WEE1: variants seen among roughly 807,000 people sequenced by gnomAD.
WEE1 encodes WEE1 G2 checkpoint kinase.
Under a neutral mutation model 68.8 loss-of-function variants are expected in WEE1, and 16 were observed. The ratio of observed to expected loss-of-function variants is 0.23; its 90% CI spans 0.16 to 0.35. The LOEUF (loss-of-function observed/expected upper bound fraction) is 0.35. Ranked by LOEUF, WEE1 falls within the 10% of genes least tolerant of loss-of-function variation. The pLI is 1.00. For synonymous variants in WEE1, 349 were observed against 318.7 expected, an observed-to-expected ratio of 1.09 and a Z score of -1.01; for missense variants, 651 against 824.1, an observed-to-expected ratio of 0.79 and a Z score of 2.57.
At position 9,589,142 on chromosome 11, in the gene WEE1, A is replaced by G. The variant is rs1369289148; in HGVS notation, c.*540A>G. ...GATTCTGTGGAGGTATTGCCTTGTG[A>G]ATTTGCTGCTATTTTAGTTTTGTCT... On this transcript the variant is annotated 3_prime_UTR_variant, in exon 11 of 11. Transcript: ENST00000450114. The G allele has an allele frequency of 1.0e-6, 1 of 985,680 alleles. No homozygotes were observed. Among genetic ancestry groups the G allele is most frequent in the Non-Finnish European group, 1.2e-6 (1 of 829,936 alleles). 61.1% of individuals were successfully genotyped at this position (985,680 alleles called of 1,614,324 possible). A position where few individuals can be genotyped will look rare whatever the true frequency, so the allele number is the denominator to read the frequency against.
chr11:9,581,796 G>A (rs764331594), intron 6 of WEE1, 118 bp downstream of exon 6: 1 of 1,020,082 alleles, frequency 9.8e-7, no homozygotes, highest in South Asian at 1.8e-5. Flanking sequence ...GTTTTAAAAG[G>A]CCTTAGATCC....
Position 9,576,438 on chromosome 11 carries a change from CTG to C in WEE1, c.847-47_847-46del. 3 of 1,583,938 alleles carry C rather than the reference CTG, an allele frequency of 1.9e-6. No individual in the cohort carries two copies. Among genetic ancestry groups the C allele is most frequent in the Non-Finnish European group, 2.6e-6 (3 of 1,164,780 alleles). Reference sequence around the variant, plus strand: ...GCCCTATCACCATAGCAAGAAATAACTGTTTTCGTATATTTGTATTACATATA... The same window carrying C: ...GCCCTATCACCATAGCAAGAAATAACTTTTCGTATATTTGTATTACATATA... On this transcript the variant is annotated intron_variant, in intron 3 of 10. Coordinates refer to ENST00000450114, the MANE Select transcript of WEE1 (RefSeq NM_003390.4). The surrounding 1 kb of genome is among the most constrained non-coding windows in gnomAD (Gnocchi z 4.3).
chr11:9,577,715 C>T, intron 5 of WEE1: 1 of 324,968 alleles, frequency 3.1e-6, no homozygotes, highest in Middle Eastern at 3.9e-4. Flanking sequence ...TTTAAGCATT[C>T]TGTAGTCCGG....
chr11:9,573,931 G>T lies in WEE1; in HGVS notation c.-3G>T. 7.9e-7 allele frequency: 1 copy of T among 1,271,096 alleles called. No homozygotes were observed. The highest frequency in any genetic ancestry group is 9.9e-7 in the Non-Finnish European group (1 of 1,009,428). The allele number at this position is 1,271,096 out of a possible 1,614,324, so 78.7% of individuals were successfully genotyped here. On this transcript the variant is annotated 5_prime_UTR_variant, in exon 1 of 11. Transcript: ENST00000450114. Reference sequence around the variant, plus strand: ...TGTCCTCGGCCCCGTCCCCAGGGCCGCGATGAGCTTCCTGAGCCGACAGCA... The same window carrying T: ...TGTCCTCGGCCCCGTCCCCAGGGCCTCGATGAGCTTCCTGAGCCGACAGCA...
At chr11:9,584,695 T>TA (rs1290727475) in intron 6 of WEE1, among the ~76,000 whole-genome samples, 1 of 152,216 alleles carries the variant, frequency 6.6e-6, no homozygotes, top group Non-Finnish European at 1.5e-5. Flanking sequence ...AAATTACTGA[T>TA]ACTACCTTTT....
At chr11:9,584,689 T>A (rs1475081306) in intron 6 of WEE1, among the ~76,000 whole-genome samples, 1 of 152,198 alleles carries the variant, frequency 6.6e-6, no homozygotes, top group Non-Finnish European at 1.5e-5. Context: ...TTTCACAAAT[T>A]ACTGATACTA....
chr11:9,585,430 C>G lies in WEE1; in HGVS notation c.1385-12C>G, dbSNP rs753248931. The G allele has an allele frequency of 8.1e-6, 13 of 1,608,872 alleles. No homozygotes were observed. Among genetic ancestry groups the G allele is most frequent in the Non-Finnish European group, 2.5e-6 (3 of 1,178,158 alleles). On this transcript the variant is annotated splice_polypyrimidine_tract_variant and intron_variant, in intron 7 of 10. Transcript: ENST00000450114. ...TTTTTGCTCTTCACTGTAAGTTTTT[C>G]AATACTTCTAGGTGATCTTGGGCAT...
chr11:9,580,515 G>A (rs1301888242), intron 5 of WEE1: 2 of 146,030 alleles, frequency 1.4e-5, no homozygotes, highest in African/African-American at 5.1e-5. Flanking sequence ...CCAGGCTGGA[G>A]TGCAATGGCC....
In WEE1 at chr11:9,574,601, G is replaced by C; in HGVS notation, c.576+92G>C. ...CTGGGTTCGGTTACAGAAGCGGCCGGCCGCTCCCCCCTCGCTTTCCTGCGC... is the reference window on the plus strand; with the variant it reads ...CTGGGTTCGGTTACAGAAGCGGCCGCCCGCTCCCCCCTCGCTTTCCTGCGC... On this transcript the variant is annotated intron_variant, in intron 1 of 10. Transcript: ENST00000450114. This position sits in a 1 kb window ranked among gnomAD's most constrained non-coding sequence, Gnocchi z 4.9. 1 of 1,125,688 alleles carries C rather than the reference G, an allele frequency of 8.9e-7. No individual in the cohort carries two copies. Among genetic ancestry groups the C allele is most frequent in the South Asian group, 4.3e-5 (1 of 23,160 alleles). 69.7% of individuals were successfully genotyped at this position (1,125,688 alleles called of 1,614,324 possible).
Position 9,586,493 on chromosome 11 carries a change from C to T in WEE1, c.1515C>T (p.Leu505=). 1 of 1,613,984 alleles carries T rather than the reference C, an allele frequency of 6.2e-7. No homozygotes were observed. ...AAGCAGATATTTTTGCGCTTGCCCTCACAGTGGTATGTGCTGCTGGTGCTG... is the reference window on the plus strand; with the variant it reads ...AAGCAGATATTTTTGCGCTTGCCCTTACAGTGGTATGTGCTGCTGGTGCTG... ...LPKADIFALA[L]TVVCAAGAEP... is the part of the protein sequence containing the mutation. The change falls in exon 9 of 11, where the codon CTC becomes CTT. Residue 505 remains leucine, a synonymous_variant. Transcript: ENST00000450114.
chr11:9,581,727 T>C, intron 6 of WEE1, 49 bp downstream of exon 6: 1 of 1,525,748 alleles, frequency 6.6e-7, no homozygotes, highest in Non-Finnish European at 8.8e-7. Flanking sequence ...TTATAGAGAA[T>C]AAATTACTTC....
rs147059973 is a variant in WEE1 at position 9,577,723 on chromosome 11, C to T, written c.1141+460C>T. 2.6e-4 allele frequency: 84 copies of T among 325,530 alleles called. 1 individual carries two copies. The East Asian group carries it at 7.0e-3, about 27-fold the overall frequency. 20.2% of individuals were successfully genotyped at this position (325,530 alleles called of 1,614,324 possible). A position where few individuals can be genotyped will look rare whatever the true frequency, so the allele number is the denominator to read the frequency against. On this transcript the variant is annotated intron_variant, in intron 5 of 10. Transcript: ENST00000450114. ...CTGTTTCTTTAAGCATTCTGTAGTC[C>T]GGCCCTACTCCCACGTATCCAACCT...
intron 10 of WEE1, among the ~76,000 whole-genome samples, 180 bp downstream of exon 10, chr11:9,587,036 T>C (rs1849708191): frequency 6.6e-6 from 1 of 152,180 alleles, no homozygotes; most frequent in African/African-American, 2.4e-5. Context: ...TCATGACTCA[T>C]TGCAACCTCC....
Position 9,575,998 on chromosome 11 carries a change from G to A in WEE1, c.687G>A (p.Gln229=). 1 of 1,614,150 alleles carries A rather than the reference G, an allele frequency of 6.2e-7. No individual in the cohort carries two copies. The highest frequency in any genetic ancestry group is 8.5e-7 in the Non-Finnish European group (1 of 1,180,004). ...KSGKREFDVR[Q]TPQVNINPFT... is the part of the protein sequence containing the mutation. ...GAAAAAGGGAATTTGATGTGCGACA[G>A]ACTCCTCAAGTGAATATTAATCCTT... The change falls in exon 2 of 11, where the codon CAG becomes CAA. Residue 229 remains glutamine (Q), a synonymous_variant. Coordinates refer to ENST00000450114, the MANE Select transcript of WEE1 (RefSeq NM_003390.4).
chr11:9,584,903 C>T (rs924497679), intron 6 of WEE1, among the ~76,000 whole-genome samples: 10 of 152,040 alleles, frequency 6.6e-5, no homozygotes, highest in Admixed American at 2.0e-4. Flanking sequence ...AGTGAAACCC[C>T]GTCTCTACTA....
chr11:9,577,544 C>T (rs1194352820), intron 5 of WEE1: 4 of 381,824 alleles, frequency 1.0e-5, no homozygotes, highest in South Asian at 2.5e-5. Context: ...TTTTGGTGTC[C>T]GTAGTACCTA....
intron 10 of WEE1, among the ~76,000 whole-genome samples, chr11:9,588,048 T>C (rs186322528): frequency 5.4e-4 from 82 of 152,238 alleles, no homozygotes; most frequent in African/African-American, 1.8e-3. Context: ...GGGGTCTTGC[T>C]CTGTCACCCA....
At chr11:9,578,105 C>T (rs141332931) in intron 5 of WEE1, 3,852 of 331,744 alleles carry the variant, frequency 0.012, 108 homozygotes, top group South Asian at 0.056. Flanking sequence ...AACCTTGTTA[C>T]GACATCAGCA....
Position 9,576,081 on chromosome 11 carries a change from C to T in WEE1, c.770C>T (p.Thr257Met). ...GGACAGTGTCGTCGTAGAAAGAGAA[C>T]GTATTGGAATGAGTAAGTCGTTTAT... The part of the protein sequence containing the change: ...SSGQCRRRKR[T>M]YWNDSCGEDM... Residue 257 changes from threonine (T) to methionine (M), a missense_variant, in exon 2 of 11, where the codon ACG (threonine) becomes ATG (methionine). By Grantham distance (81) the Thr-to-Met change is moderately conservative (BLOSUM62 -1). This residue lies in a region of WEE1 where 395 missense variants were observed against 378.4 expected (regional missense o/e 1.04). Coordinates refer to ENST00000450114, the MANE Select transcript of WEE1 (RefSeq NM_003390.4). This position sits in a 1 kb window ranked among gnomAD's most constrained non-coding sequence, Gnocchi z 4.3. The T allele has an allele frequency of 1.2e-6, 2 of 1,614,070 alleles. No individual in the cohort carries two copies. The highest frequency in any genetic ancestry group is 1.7e-6 in the Non-Finnish European group (2 of 1,179,972).
Sources: gnomAD v4.1 joint callset for allele counts (sites outside exome capture counted in the v4.1 genomes callset) on GRCh38, gnomAD v4.1.1 for gene constraint, gnomAD v4.1.1 regional missense constraint, Gnocchi (gnomAD v3.1) non-coding constraint, MANE v1.5 for transcripts, NCBI Gene and HGNC (gene_info 2026-07-23, HGNC 2026-07-21) for gene names.